NKAIN2: variants seen among roughly 807,000 people sequenced by gnomAD.
NKAIN2 encodes the protein sodium/potassium transporting ATPase interacting 2.
NKAIN2 carries 14 observed loss-of-function variants against 32.6 expected under a neutral mutation model. The ratio of observed to expected loss-of-function variants is 0.43; its 90% CI spans 0.28 to 0.67. The LOEUF (loss-of-function observed/expected upper bound fraction) is 0.67. Among genes scored for constraint, NKAIN2 ranks in the 30% least tolerant of loss-of-function variants. The pLI is 0.17. For missense variants in NKAIN2, 198 were observed against 258.3 expected (o/e 0.77, Z 1.60); for synonymous variants, 80 against 87.2 (o/e 0.92, Z 0.46).
At chr6:124,638,023 A>G (rs1374700486) in intron 3 of NKAIN2, among the ~76,000 whole-genome samples, 1 of 152,206 alleles carries the variant, frequency 6.6e-6, no homozygotes, top group East Asian at 1.9e-4. Context: ...GCTACAGTAT[A>G]GTAACCAAAA....
At chr6:123,873,185 C>T (rs1433301959) in intron 1 of NKAIN2, among the ~76,000 whole-genome samples, 1 of 147,940 alleles carries the variant, frequency 6.8e-6, no homozygotes. Context: ...AAGGAGGACC[C>T]CCACCCCCAC....
intron 1 of NKAIN2, among the ~76,000 whole-genome samples, chr6:124,104,718 G>T (rs1785039424): frequency 6.6e-6 from 1 of 152,200 alleles, no homozygotes; most frequent in African/African-American, 2.4e-5. Flanking sequence ...ATCATTCTGA[G>T]AAATTAATTT....
chr6:124,424,022 C>A (rs566416069), intron 3 of NKAIN2, among the ~76,000 whole-genome samples: 87 of 152,266 alleles, frequency 5.7e-4, no homozygotes, highest in African/African-American at 2.1e-3. Flanking sequence ...AGACAAGAGT[C>A]TGGCTCTGTT....
At chr6:123,863,193 G>C (rs1281418075) in intron 1 of NKAIN2, among the ~76,000 whole-genome samples, 1 of 152,196 alleles carries the variant, frequency 6.6e-6, no homozygotes, top group African/African-American at 2.4e-5. Context: ...GAGCTTTTAG[G>C]ATAGAAGTAG....
chr6:123,883,641 T>A lies in NKAIN2; in HGVS notation c.54+79387T>A, dbSNP rs12527250. 7.1e-4 allele frequency among the ~76,000 whole-genome samples: 43 copies of A among 60,918 alleles called. No homozygotes were observed. In the Admixed American group the frequency reaches 8.1e-3, roughly 11 times the overall value. The allele number at this position is 60,918 out of a possible 152,430, so 40.0% of individuals were successfully genotyped here. ...CCACTAGCCAATTAAACCTCTTTTT[T>A]AAAAAAAAATTTTTTTTAAAATTTT... On this transcript the variant is annotated intron_variant, in intron 1 of 6. Transcript: ENST00000368417.
At chr6:124,761,447 T>A (rs1028743267) in intron 4 of NKAIN2, among the ~76,000 whole-genome samples, 1 of 152,164 alleles carries the variant, frequency 6.6e-6, no homozygotes, top group African/African-American at 2.4e-5. Context: ...ACTCATTTGT[T>A]CTCTAACCAC....
At chr6:124,021,536 C>T (rs1011875604) in intron 1 of NKAIN2, among the ~76,000 whole-genome samples, 1 of 151,892 alleles carries the variant, frequency 6.6e-6, no homozygotes, top group Non-Finnish European at 1.5e-5. Flanking sequence ...CTTCTCCAAT[C>T]ATTGGACATT....
At position 124,020,511 on chromosome 6, in the gene NKAIN2, C is replaced by A. The variant is rs1287701358; in HGVS notation, c.54+216257C>A. Among the ~76,000 whole-genome samples the A allele has an allele frequency of 3.9e-5, 6 of 152,092 alleles. No individual in the cohort carries two copies. The South Asian group carries it at 6.2e-4, about 16-fold the overall frequency. On this transcript the variant is annotated intron_variant, in intron 1 of 6. Transcript: ENST00000368417. The stretch of plus-strand genomic sequence containing the variant: ...AAAATCTGAGTTTTCTGCCCAACTT[C>A]TACACATTTCAGGAAAGAGGTTGTT...
chr6:124,755,020 G>A (rs1371573334), intron 4 of NKAIN2, among the ~76,000 whole-genome samples: 1 of 152,126 alleles, frequency 6.6e-6, no homozygotes, highest in Non-Finnish European at 1.5e-5. Flanking sequence ...TTGGCTCACA[G>A]GATCACAAGG....
At chr6:123,940,128 A>G (rs1174253393) in intron 1 of NKAIN2, among the ~76,000 whole-genome samples, 2 of 151,922 alleles carry the variant, frequency 1.3e-5, no homozygotes, top group African/African-American at 2.4e-5. Context: ...GATGTGGAAC[A>G]CTGTTGGCTG....
chr6:124,758,137 A>G (rs1243593095), intron 4 of NKAIN2, among the ~76,000 whole-genome samples: 2 of 151,988 alleles, frequency 1.3e-5, no homozygotes, highest in African/African-American at 4.8e-5. Flanking sequence ...TCAGCTTTAG[A>G]CTCCAGTTCT....
chr6:124,371,434 C>G (rs1279124233), intron 3 of NKAIN2, among the ~76,000 whole-genome samples: 1 of 151,870 alleles, frequency 6.6e-6, no homozygotes, highest in Non-Finnish European at 1.5e-5. Flanking sequence ...TGGCTCACAC[C>G]TGTAATCCCA....
intron 1 of NKAIN2, among the ~76,000 whole-genome samples, chr6:123,846,965 A>G (rs1017998418): frequency 1.3e-5 from 2 of 152,202 alleles, no homozygotes; most frequent in African/African-American, 4.8e-5. Context: ...CTTATCGCAC[A>G]TTCAGTCCAG....
At chr6:124,607,525 G>A (rs1365995226) in intron 3 of NKAIN2, among the ~76,000 whole-genome samples, 1 of 152,146 alleles carries the variant, frequency 6.6e-6, no homozygotes, top group African/African-American at 2.4e-5. Context: ...CTGTTAGGTT[G>A]CAGTTCATTG....
chr6:124,182,191 A>G (rs370610451), intron 1 of NKAIN2, among the ~76,000 whole-genome samples: 10 of 152,150 alleles, frequency 6.6e-5, no homozygotes, highest in South Asian at 2.1e-4. Flanking sequence ...CTCATTCACT[A>G]TCATGAGAAC....
At position 124,339,554 on chromosome 6, in the gene NKAIN2, C is replaced by T. The variant is rs187687552; in HGVS notation, c.193-15713C>T. On this transcript the variant is annotated intron_variant, in intron 2 of 6. Coordinates refer to ENST00000368417, the MANE Select transcript of NKAIN2 (RefSeq NM_001040214.3). The stretch of plus-strand genomic sequence containing the variant: ...AGTCTTTAAGTCCACATCTTCAACC[C>T]CCTCTCTGCTCTATCCTCATCATCA... Among the ~76,000 whole-genome samples, 274 of 152,204 alleles carry T rather than the reference C, an allele frequency of 1.8e-3. 1 individual carries two copies. Among genetic ancestry groups the T allele is most frequent in the African/African-American group, 6.1e-3 (254 of 41,532 alleles).
chr6:124,318,331 T>A (rs1442175494), intron 2 of NKAIN2, among the ~76,000 whole-genome samples: 4 of 151,996 alleles, frequency 2.6e-5, no homozygotes, highest in Non-Finnish European at 5.9e-5. Context: ...ATTTTTTTTT[T>A]AAATCTTGTT....
At chr6:123,970,995 T>C (rs1778313680) in intron 1 of NKAIN2, among the ~76,000 whole-genome samples, 1 of 152,192 alleles carries the variant, frequency 6.6e-6, no homozygotes, top group Non-Finnish European at 1.5e-5. Flanking sequence ...GGTGGTCCTG[T>C]AAAACATCAA....
intron 3 of NKAIN2, among the ~76,000 whole-genome samples, chr6:124,654,278 T>A (rs1184384150): frequency 6.6e-6 from 1 of 152,046 alleles, no homozygotes; most frequent in Non-Finnish European, 1.5e-5. Context: ...TTATGGTAAA[T>A]GTAATTATTT....
Sources: gnomAD v4.1 joint callset for allele counts (sites outside exome capture counted in the v4.1 genomes callset) on GRCh38, gnomAD v4.1.1 for gene constraint, MANE v1.5 for transcripts, NCBI Gene and HGNC (gene_info 2026-07-23, HGNC 2026-07-21) for gene names.